MYO16: variants seen among roughly 807,000 people sequenced by gnomAD.
MYO16 encodes the protein myosin XVI.
In MYO16, 94 loss-of-function variants were observed where a neutral mutation model predicts 205.3. The observed-to-expected ratio is 0.46, with a 90% CI of 0.39 to 0.54. MYO16 has a LOEUF of 0.54. Among genes scored for constraint, MYO16 ranks in the 20% least tolerant of loss-of-function variants. MYO16 has a pLI of 0.00. For synonymous variants in MYO16, 988 were observed against 954.0 expected (o/e 1.04, Z -0.66); for missense variants, 2,315 against 2,387.5 (o/e 0.97, Z 0.63).
chr13:109,173,720 C>T (rs949233189), intron 33 of MYO16, among the ~76,000 whole-genome samples: 1 of 151,502 alleles, frequency 6.6e-6, no homozygotes, highest in Non-Finnish European at 1.5e-5. Context: ...ACGGTGAAAC[C>T]CCGTCTCTAC....
the MYO16 span, among the ~76,000 whole-genome samples, chr13:108,549,061 G>A: frequency 6.6e-6 from 1 of 152,184 alleles, no homozygotes; most frequent in Non-Finnish European, 1.5e-5. Context: ...GGGATTTGGA[G>A]AGAATCTTAC....
intron 22 of MYO16, among the ~76,000 whole-genome samples, chr13:109,016,029 T>C (rs191128216): frequency 4.1e-4 from 62 of 152,318 alleles, no homozygotes; most frequent in African/African-American, 1.4e-3. Context: ...TGCTCTCGCT[T>C]CTCTAGTTCT....
chr13:108,829,938 A>T (rs1056676201), intron 9 of MYO16, among the ~76,000 whole-genome samples: 6 of 149,204 alleles, frequency 4.0e-5, no homozygotes, highest in Non-Finnish European at 8.9e-5. Context: ...CCCCATCAAA[A>T]AGTGGGCAAA....
chr13:108,534,666 T>C, the MYO16 span, among the ~76,000 whole-genome samples: 3 of 152,002 alleles, frequency 2.0e-5, no homozygotes, highest in Admixed American at 2.0e-4. Flanking sequence ...CTTCATTGGC[T>C]CATTTTGTTG....
chr13:108,658,487 G>A (rs902249454), intron 1 of MYO16, among the ~76,000 whole-genome samples: 3 of 144,804 alleles, frequency 2.1e-5, no homozygotes, highest in African/African-American at 7.7e-5. Context: ...CAGATACTTC[G>A]CTTATTGACT....
chr13:108,719,381 A>T (rs1884071380), intron 3 of MYO16, among the ~76,000 whole-genome samples: 1 of 152,136 alleles, frequency 6.6e-6, no homozygotes, highest in Admixed American at 6.5e-5. Flanking sequence ...CTCTAGATGT[A>T]CCAAACTGCT....
chr13:108,635,605 A>G (rs763789834), intron 1 of MYO16, among the ~76,000 whole-genome samples: 2 of 151,354 alleles, frequency 1.3e-5, no homozygotes, highest in Non-Finnish European at 2.9e-5. Flanking sequence ...GGTTCAAGTG[A>G]TTCTCCTGCC....
At chr13:109,091,851 C>T (rs1332421957) in intron 27 of MYO16, among the ~76,000 whole-genome samples, 1 of 152,118 alleles carries the variant, frequency 6.6e-6, no homozygotes, top group African/African-American at 2.4e-5. Context: ...TTTTGTTGTT[C>T]ACAATGAAGT....
At chr13:108,555,285 C>T in the MYO16 span, among the ~76,000 whole-genome samples, 3 of 151,816 alleles carry the variant, frequency 2.0e-5, no homozygotes, top group African/African-American at 7.3e-5. Context: ...ACTGGCTTTC[C>T]GATTTTTAAA....
rs926867927 is a variant in MYO16 at position 109,140,976 on chromosome 13, A to T, written c.4764A>T (p.Arg1588=). 7 of 1,425,126 alleles carry T rather than the reference A, an allele frequency of 4.9e-6. No individual in the cohort carries two copies. Among genetic ancestry groups the T allele is most frequent in the Non-Finnish European group, 6.5e-6 (7 of 1,084,290 alleles). 88.3% of individuals were successfully genotyped at this position (1,425,126 alleles called of 1,614,324 possible). A position where few individuals can be genotyped will look rare whatever the true frequency, so the allele number is the denominator to read the frequency against. ...PGLALFNGSG[R]ASPPSTPPPP... ...TGGCGCTGTTCAACGGGTCCGGCCG[A>T]GCCTCCCCGCCGTCCACGCCGCCCC... Residue 1588 remains arginine, a synonymous_variant, in exon 32 of 35, where the codon CGA becomes CGT. Coordinates refer to ENST00000457511, the MANE Select transcript of MYO16 (RefSeq NM_001198950.3). The surrounding 1 kb of genome is among the most constrained non-coding windows in gnomAD (Gnocchi z 8.0).
At chr13:108,598,083 T>C (rs1036514111) in intron 1 of MYO16, among the ~76,000 whole-genome samples, 11 of 152,168 alleles carry the variant, frequency 7.2e-5, no homozygotes, top group Admixed American at 2.0e-4. Flanking sequence ...ACCTTGGAGA[T>C]AGCCGCTTTA....
chr13:109,029,824 C>T (rs1886492253), intron 23 of MYO16, among the ~76,000 whole-genome samples: 1 of 152,170 alleles, frequency 6.6e-6, no homozygotes, highest in South Asian at 2.1e-4. Flanking sequence ...AGGCATGATC[C>T]ACCTTTTCTT....
chr13:109,030,531 C>T (rs1886515981), intron 23 of MYO16, among the ~76,000 whole-genome samples: 1 of 152,060 alleles, frequency 6.6e-6, no homozygotes, highest in African/African-American at 2.4e-5. Flanking sequence ...TAAGGATTAT[C>T]TTTTGCATCA....
chr13:109,060,759 T>C (rs943831230), intron 27 of MYO16, among the ~76,000 whole-genome samples: 2 of 152,144 alleles, frequency 1.3e-5, no homozygotes, highest in Admixed American at 6.5e-5. Context: ...ATTTTTGGAA[T>C]TGCAAATGAT....
upstream of MYO16, among the ~76,000 whole-genome samples, chr13:108,591,869 G>GA (rs1377592079): frequency 2.6e-5 from 4 of 152,048 alleles, no homozygotes; most frequent in African/African-American, 7.2e-5. Flanking sequence ...GAGAAGAAAA[G>GA]AAAGAGCTTA....
intron 28 of MYO16, among the ~76,000 whole-genome samples, chr13:109,115,264 A>C (rs1370995367): frequency 1.3e-5 from 2 of 151,362 alleles, no homozygotes; most frequent in Non-Finnish European, 2.9e-5. Flanking sequence ...AAAAAAAAAA[A>C]AAAAAACACC....
chr13:108,535,258 C>T, the MYO16 span, among the ~76,000 whole-genome samples: 1 of 152,136 alleles, frequency 6.6e-6, no homozygotes, highest in Non-Finnish European at 1.5e-5. Flanking sequence ...TACTTAAGTA[C>T]AGGCTTGGAT....
At chr13:108,676,159 C>T (rs1882193302) in intron 2 of MYO16, among the ~76,000 whole-genome samples, 1 of 151,934 alleles carries the variant, frequency 6.6e-6, no homozygotes, top group African/African-American at 2.4e-5. Context: ...GCTTTAGGAA[C>T]GTTTTAGGCA....
chr13:108,764,822 C>T (rs1047634662), intron 4 of MYO16, among the ~76,000 whole-genome samples: 2 of 152,144 alleles, frequency 1.3e-5, no homozygotes, highest in African/African-American at 2.4e-5. Flanking sequence ...CCCAGAAAAT[C>T]GTTCGCTTGC....
Sources: gnomAD v4.1 joint callset for allele counts (sites outside exome capture counted in the v4.1 genomes callset) on GRCh38, gnomAD v4.1.1 for gene constraint, Gnocchi (gnomAD v3.1) non-coding constraint, MANE v1.5 for transcripts, NCBI Gene and HGNC (gene_info 2026-07-23, HGNC 2026-07-21) for gene names.